KLK12: variants seen among roughly 807,000 people sequenced by gnomAD.
The protein encoded by KLK12 is kallikrein-12.
KLK12 carries 23 observed loss-of-function variants against 20.0 expected under a neutral mutation model. The observed-to-expected ratio is 1.15, with a 90% CI of 0.83 to 1.63. The LOEUF (loss-of-function observed/expected upper bound fraction) is 1.63. Among genes scored for constraint, KLK12 ranks in the 40% most tolerant of loss-of-function variants. KLK12 has a pLI of 0.00. For missense variants in KLK12, 351 were observed against 338.6 expected (o/e 1.04, Z -0.29); for synonymous variants, 147 against 141.9 (o/e 1.04, Z -0.25).
chr19:51,029,399 C>A lies in KLK12; in HGVS notation c.650G>T (p.Gly217Val), dbSNP rs757286238. Residue 217 changes from glycine (G) to valine (V), a missense_variant, in exon 6 of 6, where the codon GGG (glycine) becomes GTG (valine). Physicochemically the swap from Gly to Val is moderately radical, Grantham distance 109. Transcript: ENST00000684732. The part of the protein sequence containing the change: ...GGVLQGLVSW[G>V]SVGPCGQDGI... ...ATCTTGTCCACAGGGCCCCACAGAC[C>A]CCCAGGACACCAGACCTTGAAGGAC... 6.2e-7 allele frequency: 1 copy of A among 1,613,828 alleles called. No individual in the cohort carries two copies. Among genetic ancestry groups the A allele is most frequent in the Non-Finnish European group, 8.5e-7 (1 of 1,179,776 alleles).
In KLK12 at chr19:51,029,453, T is replaced by G. The variant is rs767632529; in HGVS notation, c.596A>C (p.Asp199Ala). 1.9e-6 allele frequency: 3 copies of G among 1,609,826 alleles called. No individual in the cohort carries two copies. The highest frequency in any genetic ancestry group is 1.7e-6 in the Non-Finnish European group (2 of 1,176,192). ...CCCACACACCAGGGGGCCCCCAGAA[T>G]CACCCTGGAAGGGAAGAGAAGTACT... The part of the protein sequence containing the change: ...GVPGQDACQG[D>A]SGGPLVCGGV... The change falls in exon 6 of 6, where the codon GAT becomes GCT. Residue 199 changes from aspartate (D) to alanine (A), a missense_variant. Transcript: ENST00000684732.
chr19:51,029,552 G>C (rs111591745), intron 5 of KLK12, 95 bp from the exon 6 acceptor site: 4 of 1,010,416 alleles, frequency 4.0e-6, no homozygotes, highest in South Asian at 1.3e-5. Flanking sequence ...CTTGGGGAGG[G>C]CTCCAAGTCT....
At position 51,029,237 on chromosome 19, in the gene KLK12, T is replaced by C. The variant is rs765778073; in HGVS notation, c.*65A>G. The C allele has an allele frequency of 2.5e-6, 4 of 1,613,968 alleles. No homozygotes were observed. The highest frequency in any genetic ancestry group is 3.4e-6 in the Non-Finnish European group (4 of 1,180,018). On this transcript the variant is annotated 3_prime_UTR_variant, in exon 6 of 6. Transcript: ENST00000684732. ...GCTAGGGGAAGTGATGGAGGAGATA[T>C]TGGTGCTCTGAGGGCCAGAGGGGTA... is the stretch of plus-strand genomic sequence containing the variant.
At chr19:51,033,832 C>T (rs2091584326) in intron 3 of KLK12, 148 bp downstream of exon 3, 3 of 865,696 alleles carry the variant, frequency 3.5e-6, no homozygotes, top group African/African-American at 1.7e-5. Flanking sequence ...AGGCCCACTG[C>T]TAAGGAAGTT....
rs1322016278 is a variant in KLK12, at chr19:51,034,983, C to T, written c.-197G>A. On this transcript the variant is annotated 5_prime_UTR_variant, in exon 1 of 6. Coordinates refer to ENST00000684732, the MANE Select transcript of KLK12 (RefSeq NM_001370125.1). ...ACCTGTCATGTTGCTCAACCGGTCC[C>T]TTTCCTTCCATCTGTCGCTCCAGAC... The T allele has an allele frequency of 4.3e-6, 5 of 1,170,930 alleles. No individual in the cohort carries two copies. In the African/African-American group the frequency reaches 4.7e-5, roughly 11 times the overall value. 72.5% of individuals were successfully genotyped at this position (1,170,930 alleles called of 1,614,324 possible).
Position 51,034,967 on chromosome 19 carries a change from G to T in KLK12, c.-181C>A, listed in dbSNP as rs1004626784. On this transcript the variant is annotated 5_prime_UTR_variant, in exon 1 of 6. Transcript: ENST00000684732. ...ACCTGGCTCCTCAGCCACCTGTCAT[G>T]TTGCTCAACCGGTCCCTTTCCTTCC... 1 of 1,201,530 alleles carries T rather than the reference G, an allele frequency of 8.3e-7. No individual in the cohort carries two copies. The allele number at this position is 1,201,530 out of a possible 1,614,324, so 74.4% of individuals were successfully genotyped here.
chr19:51,029,532 A>T, intron 5 of KLK12, 75 bp from the exon 6 acceptor site: 1 of 1,263,006 alleles, frequency 7.9e-7, no homozygotes, highest in Non-Finnish European at 1.2e-6. Flanking sequence ...CCTTCAACCC[A>T]GTCCTGGGCC....
intron 4 of KLK12, among the ~76,000 whole-genome samples, chr19:51,031,438 T>C (rs1484641344): frequency 2.0e-5 from 3 of 151,756 alleles, no homozygotes; most frequent in African/African-American, 7.3e-5. Context: ...CCCCAAACGC[T>C]ATGACCTCCA....
chr19:51,033,997 C>G lies in KLK12; in HGVS notation c.180G>C (p.Ala60=). ...VLIDHRWVLT[A]AHCSGSRYWV... ...GGACTTACCTGCCGCTGCAGTGAGC[C>G]GCTGTGAGGACCCACCTGTGGTCAA... The change falls in exon 3 of 6, where the codon GCG becomes GCC. Residue 60 remains alanine, a synonymous_variant. Coordinates refer to ENST00000684732, the MANE Select transcript of KLK12 (RefSeq NM_001370125.1). The G allele has an allele frequency of 6.2e-7, 1 of 1,611,710 alleles. No individual in the cohort carries two copies. The highest frequency in any genetic ancestry group is 1.3e-5 in the African/African-American group (1 of 74,980).
intron 4 of KLK12, among the ~76,000 whole-genome samples, chr19:51,031,287 C>T (rs1395807079): frequency 6.6e-6 from 1 of 152,034 alleles, no homozygotes; most frequent in Admixed American, 6.6e-5. Context: ...TCTTCTGTCT[C>T]CTGACCCCAT....
rs1304432456 is a variant in KLK12 at position 51,035,001 on chromosome 19, C to T, written c.-215G>A. 66 of 1,128,036 alleles carry T rather than the reference C, an allele frequency of 5.9e-5. No homozygotes were observed. Among genetic ancestry groups the T allele is most frequent in the Non-Finnish European group, 7.0e-5 (64 of 913,732 alleles). 69.9% of individuals were successfully genotyped at this position (1,128,036 alleles called of 1,614,324 possible). On this transcript the variant is annotated 5_prime_UTR_variant, in exon 1 of 6. Transcript: ENST00000684732. ...CCGGTCCCTTTCCTTCCATCTGTCG[C>T]TCCAGACAGACCACTGACAAAGCTC...
At position 51,034,631 on chromosome 19, in the gene KLK12, C is replaced by A. The variant is rs1363043323; in HGVS notation, c.-10G>T. ...AGATGCTGAGCCCCATGGTGGGTCA[C>A]TTCCAAAGTCTGGGGGAAAAGGGGA... On this transcript the variant is annotated 5_prime_UTR_variant, in exon 2 of 6. Coordinates refer to ENST00000684732, the MANE Select transcript of KLK12 (RefSeq NM_001370125.1). The A allele has an allele frequency of 3.1e-6, 5 of 1,598,354 alleles. No individual in the cohort carries two copies. The South Asian group carries it at 5.6e-5, about 18-fold the overall frequency.
Position 51,034,642 on chromosome 19 carries a change from T to TG in KLK12, c.-19-3dup, listed in dbSNP as rs756652773. 5.0e-6 allele frequency: 8 copies of TG among 1,592,700 alleles called. No homozygotes were observed. The highest frequency in any genetic ancestry group is 1.9e-4 in the Middle Eastern group (1 of 5,220). On this transcript the variant is annotated splice_region_variant and splice_polypyrimidine_tract_variant and intron_variant, in intron 1 of 5. Coordinates refer to ENST00000684732, the MANE Select transcript of KLK12 (RefSeq NM_001370125.1). ...CCCATGGTGGGTCACTTCCAAAGTC[T>TG]GGGGGAAAAGGGGAATCTCAGAGGT...
intron 3 of KLK12, among the ~76,000 whole-genome samples, chr19:51,033,098 C>T (rs936411835): frequency 6.6e-6 from 1 of 151,134 alleles, no homozygotes; most frequent in Non-Finnish European, 1.5e-5. Flanking sequence ...GGCCTGTAGT[C>T]TTAGCTCCTT....
At chr19:51,033,603 G>A (rs1205779865) in intron 3 of KLK12, among the ~76,000 whole-genome samples, 3 of 152,216 alleles carry the variant, frequency 2.0e-5, no homozygotes, top group East Asian at 1.9e-4. Context: ...GCGACAGAGC[G>A]AGACCCTGTC....
Position 51,031,882 on chromosome 19 carries a change from G to T in KLK12, c.451C>A (p.Pro151Thr). The T allele has an allele frequency of 6.2e-7, 1 of 1,613,606 alleles. No individual in the cohort carries two copies. ...HVSGWGITNH[P>T]RNPFPDLLQC... Reference sequence around the variant, plus strand: ...CTGGCCCTGGGCCCCTTACTCCGTGGGTGGTTGGTGATGCCCCAGCCTGAG... The same window carrying T: ...CTGGCCCTGGGCCCCTTACTCCGTGTGTGGTTGGTGATGCCCCAGCCTGAG... The change falls in exon 4 of 6, where the codon CCA (proline) becomes ACA (threonine). Residue 151 changes from proline (P) to threonine (T), a missense_variant. By Grantham distance (38) the Pro-to-Thr change is conservative. Coordinates refer to ENST00000684732, the MANE Select transcript of KLK12 (RefSeq NM_001370125.1).
rs368392387 is a variant in KLK12 at position 51,031,879 on chromosome 19, G to A, written c.454C>T (p.Arg152Trp). The change falls in exon 4 of 6, where the codon CGG becomes TGG. Residue 152 changes from arginine to tryptophan, a missense_variant. Physicochemically the swap from Arg to Trp is moderately radical, Grantham distance 101 (BLOSUM62 -3). Transcript: ENST00000684732. ...VSGWGITNHP[R>W]NPFPDLLQCL... The stretch of plus-strand genomic sequence containing the variant: ...CCCCTGGCCCTGGGCCCCTTACTCC[G>A]TGGGTGGTTGGTGATGCCCCAGCCT... The A allele has an allele frequency of 1.1e-5, 18 of 1,613,432 alleles. No individual in the cohort carries two copies. The highest frequency in any genetic ancestry group is 1.6e-4 in the Middle Eastern group (1 of 6,084).
At position 51,034,589 on chromosome 19, in the gene KLK12, A is replaced by C; in HGVS notation, c.33T>G (p.Val11=). The change falls in exon 2 of 6, where the codon GTT becomes GTG. Residue 11 remains valine, a synonymous_variant. Coordinates refer to ENST00000684732, the MANE Select transcript of KLK12 (RefSeq NM_001370125.1). MGLSIFLLLC[V]LGLSQAATPK... ...CCCTGCTCCGGGAGAACTCACCAAGAACACACAGGAGCAAAAAGATGCTGA... is the reference window on the plus strand; with the variant it reads ...CCCTGCTCCGGGAGAACTCACCAAGCACACACAGGAGCAAAAAGATGCTGA... The C allele has an allele frequency of 6.2e-7, 1 of 1,611,606 alleles. No homozygotes were observed. The highest frequency in any genetic ancestry group is 8.5e-7 in the Non-Finnish European group (1 of 1,179,024).
chr19:51,031,591 C>CATATATATATATATATATATATATAT (rs1185762497), intron 4 of KLK12, among the ~76,000 whole-genome samples: 7 of 60,550 alleles, frequency 1.2e-4, no homozygotes, highest in East Asian at 1.4e-3. Context: ...ATATCCTATA[C>CATATATATATATATATATATATATAT]ATACATATAT....
Sources: allele counts gnomAD v4.1 joint callset (sites outside exome capture counted in the v4.1 genomes callset), GRCh38; gene constraint gnomAD v4.1.1; transcripts MANE v1.5; gene names NCBI Gene and HGNC (gene_info 2026-07-23, HGNC 2026-07-21).